Variants in MGA observed in about 807,000 individuals in gnomAD.
MGA encodes MAX gene-associated protein.
MGA carries 40 observed loss-of-function variants against 261.1 expected under a neutral mutation model. The observed-to-expected ratio is 0.15, with a 90% CI of 0.12 to 0.20. The LOEUF (loss-of-function observed/expected upper bound fraction) is 0.20, where lower values mean the gene tolerates loss of function less well. MGA is among the 10% of genes least tolerant of loss of function. The pLI is 1.00. For missense variants in MGA, 3,397 were observed against 3,630.5 expected, an observed-to-expected ratio of 0.94 and a Z score of 1.65; for synonymous variants, 1,302 against 1,290.6, an observed-to-expected ratio of 1.01 and a Z score of -0.19.
chr15:41,741,719 A>T (rs2062114295), intron 14 of MGA, among the ~76,000 whole-genome samples: 2 of 151,958 alleles, frequency 1.3e-5, no homozygotes, highest in African/African-American at 4.8e-5. Context: ...TAATTTTTTA[A>T]TTTTTCTTTC....
intron 17 of MGA, chr15:41,751,884 A>T (rs1047460417): frequency 6.6e-6 from 1 of 152,242 alleles, no homozygotes; most frequent in Non-Finnish European, 1.5e-5. Flanking sequence ...AGCCGTCTGC[A>T]CTGATTGTCA....
intron 5 of MGA, among the ~76,000 whole-genome samples, chr15:41,700,510 C>T (rs914126995): frequency 1.3e-5 from 2 of 152,130 alleles, no homozygotes; most frequent in Admixed American, 1.3e-4. Context: ...GTTTTCTGTT[C>T]CTATGTTAGT....
chr15:41,731,019 C>T (rs2061482578), intron 11 of MGA, among the ~76,000 whole-genome samples: 2 of 152,126 alleles, frequency 1.3e-5, no homozygotes, highest in South Asian at 4.1e-4. Context: ...CAAAGGACAT[C>T]CAACCAATTT....
rs2063827936 is a variant in MGA, at chr15:41,766,926, G to C, written c.8844G>C (p.Gly2948=). The stretch of plus-strand genomic sequence containing the variant: ...CCAACAAGAAAGCTATTGATGGAGG[G>C]AAGAATACTTCTGGCCTCCCTGCAG... The change falls in exon 24 of 24, where the codon GGG becomes GGC. Residue 2948 remains glycine, a synonymous_variant. Transcript: ENST00000219905. 1 of 1,613,944 alleles carries C rather than the reference G, an allele frequency of 6.2e-7. No homozygotes were observed. The highest frequency in any genetic ancestry group is 1.1e-5 in the South Asian group (1 of 91,090).
At chr15:41,655,818 G>A (rs1268524896), upstream of MGA, among the ~76,000 whole-genome samples, 1 of 152,166 alleles carries the variant, frequency 6.6e-6, no homozygotes. Context: ...ACCCCTTTGG[G>A]AAATGTTTGC....
intron 11 of MGA, among the ~76,000 whole-genome samples, chr15:41,730,650 A>C (rs2061459538): frequency 6.6e-6 from 1 of 152,216 alleles, no homozygotes; most frequent in Admixed American, 6.5e-5. Flanking sequence ...TTTGAATGAC[A>C]GCTTTTTTCA....
rs1480509944 is a variant in MGA at position 41,687,667 on chromosome 15, C to T, written c.1065-8408C>T. Among the ~76,000 whole-genome samples, 6 of 152,212 alleles carry T rather than the reference C, an allele frequency of 3.9e-5. No homozygotes were observed. The East Asian group carries it at 5.8e-4, about 15-fold the overall frequency. On this transcript the variant is annotated intron_variant, in intron 2 of 23. Coordinates refer to ENST00000219905, the MANE Select transcript of MGA (RefSeq NM_001164273.2). ...TTGTTACTGATTTGTAGTTTGATTC[C>T]GTTGTTGTCAAAGAACATATGGCTT...
chr15:41,691,056 T>A (rs1241503309), intron 2 of MGA, among the ~76,000 whole-genome samples: 1 of 150,810 alleles, frequency 6.6e-6, no homozygotes, highest in African/African-American at 2.4e-5. Flanking sequence ...GGTCAGTTTG[T>A]CCCTTTCTGA....
At chr15:41,675,729 G>C (rs2058339110) in intron 2 of MGA, among the ~76,000 whole-genome samples, 1 of 152,058 alleles carries the variant, frequency 6.6e-6, no homozygotes, top group Non-Finnish European at 1.5e-5. Flanking sequence ...CCTGTAAGTA[G>C]AAATTCATCT....
intron 5 of MGA, among the ~76,000 whole-genome samples, chr15:41,700,457 C>T (rs1267134365): frequency 6.6e-6 from 1 of 152,138 alleles, no homozygotes; most frequent in Non-Finnish European, 1.5e-5. Context: ...CATGTGTTCT[C>T]ATTGTTCATC....
At chr15:41,746,353 C>T (rs1267111869) in intron 15 of MGA, among the ~76,000 whole-genome samples, 2 of 151,866 alleles carry the variant, frequency 1.3e-5, no homozygotes, top group Non-Finnish European at 2.9e-5. Flanking sequence ...CCAGCCTGGC[C>T]AACATGGTGA....
At chr15:41,758,910 G>A (rs983617891) in intron 19 of MGA, among the ~76,000 whole-genome samples, 4 of 152,166 alleles carry the variant, frequency 2.6e-5, no homozygotes, top group South Asian at 2.1e-4. Flanking sequence ...CTTTGTATGA[G>A]TAGTGTTTAT....
chr15:41,664,072 A>C (rs1363020936), intron 1 of MGA, among the ~76,000 whole-genome samples: 1 of 152,222 alleles, frequency 6.6e-6, no homozygotes, highest in African/African-American at 2.4e-5. Context: ...TTTAGTCATA[A>C]ATTAAGTCTT....
Position 41,767,431 on chromosome 15 carries a change from T to C in MGA, c.*151T>C, listed in dbSNP as rs371249780. 453 of 784,440 alleles carry C rather than the reference T, an allele frequency of 5.8e-4. 1 individual carries two copies. The highest frequency in any genetic ancestry group is 8.4e-4 in the Non-Finnish European group (419 of 497,786). The allele number at this position is 784,440 out of a possible 1,614,324, so 48.6% of individuals were successfully genotyped here. ...TGATGGGAGAAAGGGGGTAGGGTGC[T>C]GACCCTGGTATAAGAAGTACTCTGA... On this transcript the variant is annotated 3_prime_UTR_variant, in exon 24 of 24. Coordinates refer to ENST00000219905, the MANE Select transcript of MGA (RefSeq NM_001164273.2).
chr15:41,691,274 A>G (rs2059271550), intron 2 of MGA, among the ~76,000 whole-genome samples: 1 of 152,104 alleles, frequency 6.6e-6, no homozygotes, highest in Admixed American at 6.5e-5. Flanking sequence ...ATTTATTCCT[A>G]AATATTTTAT....
Position 41,668,985 on chromosome 15 carries a change from C to T in MGA, c.91C>T (p.Pro31Ser), listed in dbSNP as rs774786155. Residue 31 changes from proline (P) to serine (S), a missense_variant, in exon 2 of 24, where the codon CCA becomes TCA. Physicochemically the swap from Pro to Ser is moderately conservative, Grantham distance 74 (BLOSUM62 -1). Coordinates refer to ENST00000219905, the MANE Select transcript of MGA (RefSeq NM_001164273.2). ...TACCTTCTTTGTCATCTTAAAGCAG[C>T]CAGGAAATGGCAAAACTGATCAAGG... The T allele has an allele frequency of 6.2e-7, 1 of 1,613,312 alleles. No individual in the cohort carries two copies. The highest frequency in any genetic ancestry group is 1.1e-5 in the South Asian group (1 of 91,058).
intron 1 of MGA, among the ~76,000 whole-genome samples, chr15:41,634,038 C>T (rs373111338): frequency 9.2e-5 from 14 of 152,242 alleles, no homozygotes; most frequent in African/African-American, 3.1e-4. Context: ...TACTGCATAG[C>T]TTGTTCCCTC....
intron 19 of MGA, 150 bp downstream of exon 19, chr15:41,757,989 A>T: frequency 3.3e-6 from 2 of 612,642 alleles, no homozygotes; most frequent in Non-Finnish European, 5.8e-6. Context: ...TTTCTCCTTA[A>T]TCAAATTATA....
intron 1 of MGA, among the ~76,000 whole-genome samples, chr15:41,624,877 C>G (rs9672671): frequency 1.3e-5 from 2 of 152,032 alleles, no homozygotes; most frequent in African/African-American, 4.8e-5. Context: ...GCACGTGGCT[C>G]ATGTCTATAA....
Sources: gnomAD v4.1 joint callset for allele counts (sites outside exome capture counted in the v4.1 genomes callset) on GRCh38, gnomAD v4.1.1 for gene constraint, MANE v1.5 for transcripts, NCBI Gene and HGNC (gene_info 2026-07-23, HGNC 2026-07-21) for gene names.